The following SYNDIG1L variants were observed in gnomAD, a reference collection of about 807,000 sequenced individuals.
SYNDIG1L encodes the protein synapse differentiation-inducing gene protein 1-like.
Under a neutral mutation model 20.1 loss-of-function variants are expected in SYNDIG1L, and 13 were observed. The observed-to-expected ratio is 0.65, with a 90% CI of 0.42 to 1.03. The LOEUF is 1.03. Ranked by LOEUF, SYNDIG1L falls within the 50% of genes least tolerant of loss-of-function variation. The pLI is 0.00. For synonymous variants in SYNDIG1L, 128 were observed against 129.3 expected, an observed-to-expected ratio of 0.99 and a Z score of 0.07; for missense variants, 294 against 305.1, an observed-to-expected ratio of 0.96 and a Z score of 0.27.
At chr14:74,425,347 T>C (rs936547414) in intron 1 of SYNDIG1L, among the ~76,000 whole-genome samples, 2 of 152,166 alleles carry the variant, frequency 1.3e-5, no homozygotes, top group African/African-American at 4.8e-5. Flanking sequence ...GGAAAAAAAA[T>C]TGAGGTATCT....
intron 1 of SYNDIG1L, among the ~76,000 whole-genome samples, chr14:74,424,226 T>C (rs538794445): frequency 7.0e-4 from 107 of 152,240 alleles, no homozygotes; most frequent in African/African-American, 2.5e-3. Flanking sequence ...TCTTAACTCA[T>C]CTAGCCCAAC....
the SYNDIG1L span, among the ~76,000 whole-genome samples, chr14:74,467,989 G>A: frequency 6.6e-6 from 1 of 152,066 alleles, no homozygotes; most frequent in Non-Finnish European, 1.5e-5. Context: ...TGGGGATCTG[G>A]GTGCAGCTTA....
At chr14:74,460,065 T>C in the SYNDIG1L span, among the ~76,000 whole-genome samples, 1 of 152,216 alleles carries the variant, frequency 6.6e-6, no homozygotes, top group Non-Finnish European at 1.5e-5. Context: ...TGTGGCCTGA[T>C]GGCCTGGCTC....
At chr14:74,440,677 T>G in the SYNDIG1L span, among the ~76,000 whole-genome samples, 1 of 151,834 alleles carries the variant, frequency 6.6e-6, no homozygotes, top group Non-Finnish European at 1.5e-5. Context: ...ACAGCGAGAC[T>G]CTGTCTAAAA....
chr14:74,479,891 T>C, the SYNDIG1L span: 1 of 1,034,090 alleles, frequency 9.7e-7, no homozygotes, highest in Non-Finnish European at 1.2e-6. Context: ...CCTTCCATGG[T>C]TCTAGCAGAA....
chr14:74,415,315 T>C (rs1292657254), intron 1 of SYNDIG1L, among the ~76,000 whole-genome samples: 1 of 152,160 alleles, frequency 6.6e-6, no homozygotes, highest in African/African-American at 2.4e-5. Flanking sequence ...GACTTCAGCA[T>C]GCATCAACAT....
the SYNDIG1L span, among the ~76,000 whole-genome samples, chr14:74,440,312 G>A: frequency 6.6e-6 from 1 of 152,030 alleles, no homozygotes; most frequent in African/African-American, 2.4e-5. Context: ...TCAGGAGACC[G>A]AGACCATCCT....
intron 1 of SYNDIG1L, among the ~76,000 whole-genome samples, chr14:74,417,843 C>A (rs896875640): frequency 6.6e-6 from 1 of 151,978 alleles, no homozygotes; most frequent in Admixed American, 6.6e-5. Flanking sequence ...GAAATGGGAG[C>A]GTTAAAAAAA....
the SYNDIG1L span, among the ~76,000 whole-genome samples, chr14:74,439,039 G>A: frequency 1.1e-3 from 162 of 151,578 alleles, 4 homozygotes; most frequent in East Asian, 0.029. Flanking sequence ...ACTTGAACCC[G>A]GGAGGCAGAG....
At chr14:74,428,425 T>C (rs1302678727), upstream of SYNDIG1L, among the ~76,000 whole-genome samples, 1 of 152,220 alleles carries the variant, frequency 6.6e-6, no homozygotes. Flanking sequence ...AAGCATTTCC[T>C]GCCATGTAAT....
the SYNDIG1L span, among the ~76,000 whole-genome samples, chr14:74,462,405 A>G: frequency 6.6e-6 from 1 of 151,850 alleles, no homozygotes; most frequent in Non-Finnish European, 1.5e-5. Flanking sequence ...AATCACCTGA[A>G]TCCGGGAGGT....
At chr14:74,458,849 G>C in the SYNDIG1L span, among the ~76,000 whole-genome samples, 3 of 152,114 alleles carry the variant, frequency 2.0e-5, no homozygotes, top group Admixed American at 1.3e-4. Context: ...ACCAAGCCCT[G>C]GGTCTGGGGA....
Position 74,407,326 on chromosome 14 carries a change from C to T in SYNDIG1L, c.*209G>A, listed in dbSNP as rs553822263. The T allele has an allele frequency of 9.3e-5, 64 of 689,456 alleles. No individual in the cohort carries two copies. The East Asian group carries it at 1.5e-3, about 16-fold the overall frequency. 42.7% of individuals were successfully genotyped at this position (689,456 alleles called of 1,614,324 possible). On this transcript the variant is annotated 3_prime_UTR_variant, in exon 4 of 4. Transcript: ENST00000331628. ...GTCTGTAGCCTGGGTTAGAGAGTGG[C>T]GCCCCGGGCCCTGCTCTGGGGCTGG... is the stretch of plus-strand genomic sequence containing the variant.
chr14:74,479,736 G>C, the SYNDIG1L span: 1 of 172,606 alleles, frequency 5.8e-6, no homozygotes, highest in Non-Finnish European at 1.2e-5. Flanking sequence ...GAGCATGCTT[G>C]GTGGTATAAG....
At chr14:74,458,553 C>T in the SYNDIG1L span, among the ~76,000 whole-genome samples, 11 of 145,026 alleles carry the variant, frequency 7.6e-5, no homozygotes, top group African/African-American at 2.4e-4. Context: ...ACCCAGGAGG[C>T]GGAGGTTGCA....
the SYNDIG1L span, among the ~76,000 whole-genome samples, chr14:74,436,161 C>T: frequency 6.6e-6 from 1 of 151,918 alleles, no homozygotes; most frequent in African/African-American, 2.4e-5. Context: ...GATAACAAGT[C>T]TGGGTTCTCC....
In SYNDIG1L at chr14:74,426,002, G is replaced by A. The variant is rs1441836719; in HGVS notation, c.-148C>T. The A allele has an allele frequency of 6.6e-6, 1 of 152,660 alleles. No individual in the cohort carries two copies. Among genetic ancestry groups the A allele is most frequent in the Non-Finnish European group, 1.5e-5 (1 of 68,000 alleles). The allele number at this position is 152,660 out of a possible 1,614,324, so 9.5% of individuals were successfully genotyped here. ...GACGGCGCCCCCGCCTCGCGGTCGC[G>A]GTGGAACTCCCAGGAGGGCTCCCCT... is the stretch of plus-strand genomic sequence containing the variant. On this transcript the variant is annotated 5_prime_UTR_variant, in exon 1 of 4. Transcript: ENST00000331628.
At chr14:74,422,681 A>ACAC (rs59680480) in intron 1 of SYNDIG1L, among the ~76,000 whole-genome samples, 2 of 146,260 alleles carry the variant, frequency 1.4e-5, no homozygotes, top group East Asian at 2.0e-4. Context: ...ACACACACAC[A>ACAC]ATTTCTCTTT....
the SYNDIG1L span, among the ~76,000 whole-genome samples, chr14:74,441,467 A>G: frequency 6.6e-6 from 1 of 152,116 alleles, no homozygotes; most frequent in Non-Finnish European, 1.5e-5. Context: ...TGTGACTTGG[A>G]TAGATTCAGG....
Sources: allele counts gnomAD v4.1 joint callset (sites outside exome capture counted in the v4.1 genomes callset), GRCh38; gene constraint gnomAD v4.1.1; transcripts MANE v1.5; gene names NCBI Gene and HGNC (gene_info 2026-07-23, HGNC 2026-07-21).